The following EYS variants were observed in gnomAD, a reference collection of about 807,000 sequenced individuals.
EYS encodes the protein EGF-like photoreceptor maintenance factor.
Under a neutral mutation model 282.1 loss-of-function variants are expected in EYS, and 250 were observed. The ratio of observed to expected loss-of-function variants is 0.89; its 90% CI spans 0.80 to 0.98. EYS has a LOEUF of 0.98. EYS is among the 50% of genes least tolerant of loss of function. EYS has a pLI of 0.00. For missense variants in EYS, 4,016 were observed against 3,709.0 expected, an observed-to-expected ratio of 1.08 and a Z score of -2.15; for synonymous variants, 1,355 against 1,282.9, an observed-to-expected ratio of 1.06 and a Z score of -1.20.
intron 2 of EYS, among the ~76,000 whole-genome samples, chr6:65,625,080 G>A (rs1252610995): frequency 1.3e-5 from 2 of 152,152 alleles, no homozygotes; most frequent in African/African-American, 4.8e-5. Context: ...TCAACCTAGA[G>A]GAAGGGGGCT....
chr6:64,194,005 G>C (rs1163654614), intron 31 of EYS, among the ~76,000 whole-genome samples: 1 of 152,000 alleles, frequency 6.6e-6, no homozygotes, highest in Non-Finnish European at 1.5e-5. Context: ...TAATCCTTTG[G>C]GTAGATACTC....
chr6:64,722,390 A>T (rs1889497), intron 22 of EYS, among the ~76,000 whole-genome samples: 102,903 of 151,800 alleles, frequency 0.68, 37,152 homozygotes, highest in Non-Finnish European at 0.81. Context: ...GCAACAGAGT[A>T]TGGGAAATGG....
chr6:65,560,614 A>G (rs1769016726), intron 2 of EYS, among the ~76,000 whole-genome samples: 1 of 151,752 alleles, frequency 6.6e-6, no homozygotes, highest in Non-Finnish European at 1.5e-5. Flanking sequence ...CATCTCTGCC[A>G]TCCAAAGGCA....
intron 19 of EYS, among the ~76,000 whole-genome samples, chr6:64,826,699 TA>T (rs1765070673): frequency 3.3e-5 from 5 of 149,314 alleles, no homozygotes; most frequent in Admixed American, 2.0e-4. Context: ...TATATATATA[TA>T]TATCTGTCAA....
chr6:64,938,997 A>T (rs1188444420), intron 15 of EYS, among the ~76,000 whole-genome samples: 1 of 151,782 alleles, frequency 6.6e-6, no homozygotes. Context: ...TGTGTTAATT[A>T]TGTCTCAATA....
At chr6:64,143,856 A>G (rs1383314591) in intron 31 of EYS, among the ~76,000 whole-genome samples, 2 of 152,258 alleles carry the variant, frequency 1.3e-5, no homozygotes, top group Non-Finnish European at 2.9e-5. Flanking sequence ...TTTGGAGAAC[A>G]TAAAGGATAT....
At chr6:65,439,038 G>T (rs1047312709) in intron 5 of EYS, among the ~76,000 whole-genome samples, 8 of 152,244 alleles carry the variant, frequency 5.3e-5, no homozygotes, top group African/African-American at 1.9e-4. Context: ...TGTATAAGGT[G>T]TAAGGAAGGG....
At chr6:65,273,286 A>T (rs2150267898) in intron 12 of EYS, among the ~76,000 whole-genome samples, 1 of 152,314 alleles carries the variant, frequency 6.6e-6, no homozygotes, top group African/African-American at 2.4e-5. Context: ...AGTGGGGACT[A>T]CTGGACTGTT....
intron 1 of EYS, among the ~76,000 whole-genome samples, chr6:65,648,174 T>C (rs747880562): frequency 3.9e-5 from 6 of 152,214 alleles, no homozygotes; most frequent in Non-Finnish European, 8.8e-5. Context: ...ATTCCATTAC[T>C]AGGTATCTAC....
Position 65,634,683 on chromosome 6 carries a change from G to T in EYS, c.-333+5095C>A, listed in dbSNP as rs148974726. 3.0e-3 allele frequency among the ~76,000 whole-genome samples: 450 copies of T among 152,250 alleles called. 1 individual carries two copies. The highest frequency in any genetic ancestry group is 0.01 in the African/African-American group (435 of 41,540). On this transcript the variant is annotated intron_variant, in intron 2 of 42. Transcript: ENST00000503581. ...ATAGCAATTTAATGTTTCAATGCTTGTGCCAACAACTGTGGAGTCATCCTT... is the reference window on the plus strand; with the variant it reads ...ATAGCAATTTAATGTTTCAATGCTTTTGCCAACAACTGTGGAGTCATCCTT...
chr6:64,102,997 A>G (rs183327020), intron 31 of EYS, among the ~76,000 whole-genome samples: 29 of 152,296 alleles, frequency 1.9e-4, no homozygotes, highest in African/African-American at 6.5e-4. Context: ...AAAAATCCTT[A>G]CTTAACAGAG....
intron 19 of EYS, among the ~76,000 whole-genome samples, chr6:64,841,495 T>C (rs980478): frequency 0.015 from 2,307 of 152,250 alleles, 57 homozygotes; most frequent in African/African-American, 0.053. Flanking sequence ...ATGTAGTTGA[T>C]GCTGGGAAGG....
chr6:65,361,128 G>A (rs901912065), intron 8 of EYS, among the ~76,000 whole-genome samples: 6 of 151,212 alleles, frequency 4.0e-5, no homozygotes, highest in Non-Finnish European at 7.4e-5. Flanking sequence ...AACAAACACC[G>A]CATGTTCTCA....
chr6:65,178,919 G>A (rs1160392667), intron 12 of EYS, among the ~76,000 whole-genome samples: 8 of 151,890 alleles, frequency 5.3e-5, no homozygotes, highest in Admixed American at 1.3e-4. Context: ...ACTCAAAACC[G>A]CTCAACTACA....
rs532251948 is a variant in EYS at position 65,374,421 on chromosome 6, C to T, written c.1299+9965G>A. On this transcript the variant is annotated intron_variant, in intron 8 of 42. Coordinates refer to ENST00000503581, the MANE Select transcript of EYS (RefSeq NM_001142800.2). ...CAATCCGCAGACCAGGAGATTCCCT[C>T]GTGTGTCTACATTCCCCGGGCCCTG... Among the ~76,000 whole-genome samples, 14 of 152,102 alleles carry T rather than the reference C, an allele frequency of 9.2e-5. No individual in the cohort carries two copies. The South Asian group carries it at 2.9e-3, about 32-fold the overall frequency.
chr6:65,292,873 G>T (rs1401166054), intron 12 of EYS, among the ~76,000 whole-genome samples: 2 of 151,692 alleles, frequency 1.3e-5, no homozygotes, highest in African/African-American at 2.4e-5. Flanking sequence ...AAAGTTGTCT[G>T]GTTGGCATTT....
At chr6:65,659,387 G>T (rs1041808117) in intron 1 of EYS, among the ~76,000 whole-genome samples, 5 of 151,564 alleles carry the variant, frequency 3.3e-5, no homozygotes, top group Non-Finnish European at 5.9e-5. Flanking sequence ...AAAACCGTAA[G>T]AAAATATCCT....
intron 12 of EYS, among the ~76,000 whole-genome samples, chr6:65,219,891 C>T (rs1369696687): frequency 6.6e-6 from 1 of 152,062 alleles, no homozygotes; most frequent in African/African-American, 2.4e-5. Context: ...TATTCACTAC[C>T]ATGAGAACAG....
intron 12 of EYS, among the ~76,000 whole-genome samples, chr6:65,141,048 T>C (rs926804868): frequency 1.3e-5 from 2 of 151,660 alleles, no homozygotes; most frequent in African/African-American, 4.9e-5. Flanking sequence ...CACACGTATG[T>C]TTATTGCGGC....
Sources: allele counts gnomAD v4.1 joint callset (sites outside exome capture counted in the v4.1 genomes callset), GRCh38; gene constraint gnomAD v4.1.1; transcripts MANE v1.5; gene names NCBI Gene and HGNC (gene_info 2026-07-23, HGNC 2026-07-21).